Variants in FILIP1L observed in about 807,000 individuals in gnomAD.
FILIP1L encodes the protein filamin A-interacting protein 1-like.
FILIP1L carries 55 observed loss-of-function variants against 96.6 expected under a neutral mutation model. The observed-to-expected ratio is 0.57, with a 90% CI of 0.46 to 0.71. The LOEUF is 0.71. FILIP1L is among the 30% of genes least tolerant of loss of function. FILIP1L has a pLI of 0.00. For synonymous variants in FILIP1L, 467 were observed against 473.9 expected, an observed-to-expected ratio of 0.99 and a Z score of 0.19; for missense variants, 1,304 against 1,321.2, an observed-to-expected ratio of 0.99 and a Z score of 0.20.
chr3:99,899,001 C>T (rs1706352006), intron 4 of FILIP1L, among the ~76,000 whole-genome samples: 1 of 151,986 alleles, frequency 6.6e-6, no homozygotes, highest in Non-Finnish European at 1.5e-5. Context: ...AGTTTCATCA[C>T]CTGAGAAGGC....
In FILIP1L at chr3:100,009,308, T is replaced by G. The variant is rs140944333; in HGVS notation, c.-10-78278A>C. ...TGTCCTGAAACAAAATGGCAGCCAA[T>G]ATAAATTTCCCCATAATTTCACTGA... On this transcript the variant is annotated intron_variant, in intron 1 of 5. Coordinates refer to ENST00000477258, the MANE Select transcript of FILIP1L (RefSeq NM_001387850.1). 1.9e-4 allele frequency among the ~76,000 whole-genome samples: 29 copies of G among 152,298 alleles called. No homozygotes were observed. In the East Asian group the frequency reaches 3.9e-3, roughly 20 times the overall value.
intron 1 of FILIP1L, among the ~76,000 whole-genome samples, chr3:99,973,799 A>G (rs1439311470): frequency 6.6e-6 from 1 of 152,188 alleles, no homozygotes; most frequent in Non-Finnish European, 1.5e-5. Context: ...GTATCATGTT[A>G]GATGTTAAAT....
At chr3:99,958,441 A>G (rs548613852) in intron 1 of FILIP1L, among the ~76,000 whole-genome samples, 2 of 152,176 alleles carry the variant, frequency 1.3e-5, no homozygotes, top group East Asian at 1.9e-4. Flanking sequence ...GCCCAGCAGG[A>G]AAGTGCTTAC....
intron 4 of FILIP1L, among the ~76,000 whole-genome samples, chr3:99,853,673 A>T (rs1261287092): frequency 6.6e-6 from 1 of 152,206 alleles, no homozygotes; most frequent in Non-Finnish European, 1.5e-5. Flanking sequence ...TTTGTAAATT[A>T]GTTGGCATCC....
chr3:100,077,941 T>C (rs959264766), intron 1 of FILIP1L, among the ~76,000 whole-genome samples: 5 of 152,122 alleles, frequency 3.3e-5, no homozygotes, highest in South Asian at 2.1e-4. Flanking sequence ...ATTATTAAAA[T>C]AGAAATTTAG....
intron 4 of FILIP1L, among the ~76,000 whole-genome samples, chr3:99,884,928 A>C (rs1705844778): frequency 6.6e-6 from 1 of 152,132 alleles, no homozygotes; most frequent in African/African-American, 2.4e-5. Flanking sequence ...TACTTCCTTG[A>C]CCACAAATAT....
intron 1 of FILIP1L, among the ~76,000 whole-genome samples, chr3:100,011,288 G>A (rs749630193): frequency 1.3e-5 from 2 of 152,038 alleles, no homozygotes; most frequent in Admixed American, 6.6e-5. Context: ...TGTAGAACTC[G>A]ACACGTGTTG....
At chr3:99,923,887 C>A (rs905126659) in intron 4 of FILIP1L, among the ~76,000 whole-genome samples, 1 of 152,218 alleles carries the variant, frequency 6.6e-6, no homozygotes, top group African/African-American at 2.4e-5. Flanking sequence ...TCTTTTCTCA[C>A]TTCTATACTA....
At chr3:99,917,701 G>A (rs1459510729) in intron 4 of FILIP1L, among the ~76,000 whole-genome samples, 2 of 152,182 alleles carry the variant, frequency 1.3e-5, no homozygotes, top group Non-Finnish European at 2.9e-5. Flanking sequence ...ACTTGGATGT[G>A]CAAAGGTGAT....
intron 4 of FILIP1L, among the ~76,000 whole-genome samples, chr3:99,882,435 G>A (rs1258223410): frequency 6.6e-6 from 1 of 152,114 alleles, no homozygotes; most frequent in Non-Finnish European, 1.5e-5. Flanking sequence ...TATAATGGCT[G>A]GAAATGTATT....
intron 5 of FILIP1L, among the ~76,000 whole-genome samples, chr3:99,837,923 T>C (rs1263206008): frequency 6.6e-6 from 1 of 152,192 alleles, no homozygotes; most frequent in Non-Finnish European, 1.5e-5. Context: ...TGGGTCATTA[T>C]CATAACTGTC....
At chr3:100,025,271 A>G (rs1308306250) in intron 1 of FILIP1L, among the ~76,000 whole-genome samples, 1 of 152,188 alleles carries the variant, frequency 6.6e-6, no homozygotes, top group Non-Finnish European at 1.5e-5. Context: ...TCTAAAGGGC[A>G]CAGGCCTCTG....
At chr3:99,910,559 T>C (rs1240355018) in intron 4 of FILIP1L, among the ~76,000 whole-genome samples, 1 of 136,774 alleles carries the variant, frequency 7.3e-6, no homozygotes, top group East Asian at 2.0e-4. Flanking sequence ...CTTACCACTT[T>C]CCAAGGAAAC....
intron 4 of FILIP1L, among the ~76,000 whole-genome samples, chr3:99,899,754 A>T (rs1056929523): frequency 3.9e-5 from 6 of 152,218 alleles, no homozygotes; most frequent in Admixed American, 2.6e-4. Context: ...ATTAACTCCC[A>T]GGGTGATGAA....
At chr3:99,929,330 G>A (rs1707396785) in intron 3 of FILIP1L, among the ~76,000 whole-genome samples, 1 of 152,174 alleles carries the variant, frequency 6.6e-6, no homozygotes, top group Non-Finnish European at 1.5e-5. Context: ...GAAGGAAAAA[G>A]AAGGTATGCA....
intron 4 of FILIP1L, among the ~76,000 whole-genome samples, chr3:99,860,364 T>C (rs1321242350): frequency 6.6e-6 from 1 of 152,154 alleles, no homozygotes; most frequent in Non-Finnish European, 1.5e-5. Context: ...GACCCATTAA[T>C]TATAAGGAGC....
intron 4 of FILIP1L, among the ~76,000 whole-genome samples, chr3:99,913,886 A>G (rs1365163393): frequency 6.6e-6 from 1 of 152,228 alleles, no homozygotes; most frequent in Admixed American, 6.5e-5. Flanking sequence ...TGAAGCTACA[A>G]GTTTGTCAGG....
At chr3:99,938,757 T>C (rs1379021115) in intron 1 of FILIP1L, among the ~76,000 whole-genome samples, 3 of 152,188 alleles carry the variant, frequency 2.0e-5, no homozygotes, top group Non-Finnish European at 4.4e-5. Flanking sequence ...TAGCGCTCAG[T>C]TGCAGAACAG....
In FILIP1L at chr3:99,850,032, C is replaced by G. The variant is rs1485206966; in HGVS notation, c.1644G>C (p.Lys548Asn). ...TCTTTTCTTCTACATCGGTTTTGGA[C>G]TTGAGCGCCCTTTTAGTTTCCTCAA... is the stretch of plus-strand genomic sequence containing the variant. ...KLIEETKRALKSKTDVEEKMY... is the reference protein window; with the variant it reads ...KLIEETKRALNSKTDVEEKMY... Residue 548 changes from lysine to asparagine, a missense_variant, in exon 5 of 6, where the codon AAG becomes AAC. By Grantham distance (94) the Lys-to-Asn change is moderately conservative. Coordinates refer to ENST00000477258, the MANE Select transcript of FILIP1L (RefSeq NM_001387850.1). 6.2e-7 allele frequency: 1 copy of G among 1,609,338 alleles called. No individual in the cohort carries two copies. Among genetic ancestry groups the G allele is most frequent in the Non-Finnish European group, 8.5e-7 (1 of 1,178,922 alleles).
Sources: allele counts gnomAD v4.1 joint callset (sites outside exome capture counted in the v4.1 genomes callset), GRCh38; gene constraint gnomAD v4.1.1; transcripts MANE v1.5; gene names NCBI Gene and HGNC (gene_info 2026-07-23, HGNC 2026-07-21).